SOX6: variants seen among roughly 807,000 people sequenced by gnomAD.
SOX6 encodes the protein SRY-box transcription factor 6.
SOX6 carries 11 observed loss-of-function variants against 97.8 expected under a neutral mutation model. The observed-to-expected ratio is 0.11, with a 90% CI of 0.07 to 0.19. SOX6 has a LOEUF of 0.19. Ranked by LOEUF, SOX6 falls within the 10% of genes least tolerant of loss-of-function variation. The pLI is 1.00. For missense variants in SOX6, 810 were observed against 1,039.5 expected (o/e 0.78, Z 3.04); for synonymous variants, 360 against 371.4 (o/e 0.97, Z 0.35).
chr11:16,188,075 C>A (rs1228141568), intron 4 of SOX6, among the ~76,000 whole-genome samples: 1 of 151,912 alleles, frequency 6.6e-6, no homozygotes, highest in Non-Finnish European at 1.5e-5. Context: ...TTATGAGTGG[C>A]CTTATTTTTA....
intron 1 of SOX6, among the ~76,000 whole-genome samples, chr11:16,344,696 T>C (rs887507251): frequency 2.0e-5 from 3 of 152,036 alleles, no homozygotes; most frequent in Non-Finnish European, 4.4e-5. Context: ...TGCTGCCTTA[T>C]ATGACTAATA....
chr11:16,552,814 T>C (rs755819565), intron 4 of SOX6, among the ~76,000 whole-genome samples: 2 of 152,210 alleles, frequency 1.3e-5, no homozygotes, highest in Non-Finnish European at 2.9e-5. Context: ...TAAACAATTA[T>C]AGCCTTCCTC....
chr11:16,222,128 T>G (rs1158876295), intron 4 of SOX6, among the ~76,000 whole-genome samples: 1 of 152,172 alleles, frequency 6.6e-6, no homozygotes, highest in African/African-American at 2.4e-5. Flanking sequence ...CAGAAACAGA[T>G]ACGAGTCCAA....
At position 16,319,794 on chromosome 11, in the gene SOX6, A is replaced by G. The variant is rs997066098; in HGVS notation, c.238-1141T>C. Among the ~76,000 whole-genome samples the G allele has an allele frequency of 3.3e-5, 5 of 152,088 alleles. No homozygotes were observed. In the East Asian group the frequency reaches 5.8e-4, roughly 18 times the overall value. On this transcript the variant is annotated intron_variant, in intron 2 of 15. Transcript: ENST00000683767. ...TCTTTGCTATTGTGAATAGTGCCGC[A>G]ATAAACATACGTGTTAATGTGTCTT...
At chr11:16,449,812 A>G (rs7951760) in intron 1 of SOX6, among the ~76,000 whole-genome samples, 31,166 of 152,132 alleles carry the variant, frequency 0.2, 3,446 homozygotes, top group Admixed American at 0.33. Context: ...GCTAGAATGC[A>G]CTGTGAACTG....
At chr11:16,024,314 C>T (rs1195602220) in intron 12 of SOX6, among the ~76,000 whole-genome samples, 3 of 152,038 alleles carry the variant, frequency 2.0e-5, no homozygotes, top group African/African-American at 2.4e-5. Context: ...TAGTTTATTA[C>T]GGCAACCCTG....
chr11:16,551,814 A>G (rs1447921764), intron 4 of SOX6, among the ~76,000 whole-genome samples: 1 of 152,066 alleles, frequency 6.6e-6, no homozygotes, highest in Non-Finnish European at 1.5e-5. Context: ...CATGTTGGCA[A>G]GGCTGGTCTT....
At chr11:16,172,928 C>G (rs1048577770) in intron 6 of SOX6, among the ~76,000 whole-genome samples, 5 of 151,906 alleles carry the variant, frequency 3.3e-5, no homozygotes, top group African/African-American at 1.2e-4. Context: ...GGGCTGCAGA[C>G]TTTACATAAG....
At chr11:16,539,805 G>A (rs1348934727) in intron 4 of SOX6, among the ~76,000 whole-genome samples, 1 of 152,092 alleles carries the variant, frequency 6.6e-6, no homozygotes, top group Non-Finnish European at 1.5e-5. Flanking sequence ...CCAATAACAG[G>A]TTCTGAAATT....
intron 3 of SOX6, among the ~76,000 whole-genome samples, chr11:16,260,395 A>AT (rs1853850393): frequency 6.6e-6 from 1 of 152,248 alleles, no homozygotes; most frequent in Middle Eastern, 3.4e-3. Flanking sequence ...AATAAATACC[A>AT]TTTTTTTAAA....
chr11:15,993,580 A>C (rs1854123748), intron 13 of SOX6, among the ~76,000 whole-genome samples: 1 of 152,172 alleles, frequency 6.6e-6, no homozygotes, highest in Non-Finnish European at 1.5e-5. Flanking sequence ...GATCAACAGC[A>C]CCACAGTAGG....
intron 12 of SOX6, among the ~76,000 whole-genome samples, chr11:16,033,534 G>A (rs1855440003): frequency 6.6e-6 from 1 of 152,106 alleles, no homozygotes; most frequent in South Asian, 2.1e-4. Context: ...GAATAAGAAA[G>A]GCTAAACTTG....
intron 3 of SOX6, among the ~76,000 whole-genome samples, chr11:16,308,031 AG>A (rs1370511827): frequency 2.0e-5 from 3 of 152,186 alleles, no homozygotes; most frequent in Non-Finnish European, 2.9e-5. Context: ...CAACTAAGAA[AG>A]CTACGATAGG....
intron 1 of SOX6, chr11:16,402,751 G>A: frequency 6.2e-7 from 1 of 1,608,366 alleles, no homozygotes; most frequent in East Asian, 2.2e-5. Flanking sequence ...GGGCTGGCTA[G>A]AAATATTAGG....
At chr11:16,372,107 T>C (rs879429719) in intron 1 of SOX6, among the ~76,000 whole-genome samples, 13 of 152,140 alleles carry the variant, frequency 8.5e-5, no homozygotes, top group Non-Finnish European at 1.9e-4. Context: ...TATGCTTCTT[T>C]TGTATCTGGC....
rs556180574 is a variant in SOX6, at chr11:15,968,108, G to T, written c.*4701C>A. 3.3e-5 allele frequency: 5 copies of T among 152,192 alleles called. No individual in the cohort carries two copies. Among genetic ancestry groups the T allele is most frequent in the Admixed American group, 6.5e-5 (1 of 15,276 alleles). The allele number at this position is 152,192 out of a possible 1,614,324, so 9.4% of individuals were successfully genotyped here. A position where few individuals can be genotyped will look rare whatever the true frequency, so the allele number is the denominator to read the frequency against. On this transcript the variant is annotated 3_prime_UTR_variant, in exon 16 of 16. Transcript: ENST00000683767. ...ACATCATTGGCAGGAATAACAGACA[G>T]AAGTTGTTTATTAGGGAAGAAAACA...
At chr11:16,576,940 T>G (rs1847990149) in intron 4 of SOX6, 1 of 152,168 alleles carries the variant, frequency 6.6e-6, no homozygotes, top group Non-Finnish European at 1.5e-5. Context: ...TGGACTGTAG[T>G]GTGATATGCC....
At chr11:16,641,852 C>G (rs1288869869) in intron 3 of SOX6, among the ~76,000 whole-genome samples, 2 of 151,990 alleles carry the variant, frequency 1.3e-5, no homozygotes, top group Non-Finnish European at 2.9e-5. Context: ...GGTCTTGACT[C>G]TTTATCCAAT....
At chr11:16,688,987 T>C (rs567729247) in intron 3 of SOX6, among the ~76,000 whole-genome samples, 2 of 152,356 alleles carry the variant, frequency 1.3e-5, no homozygotes, top group African/African-American at 4.8e-5. Flanking sequence ...GTATATAGTC[T>C]AATTTTGCCT....
Sources: allele counts gnomAD v4.1 joint callset (sites outside exome capture counted in the v4.1 genomes callset), GRCh38; gene constraint gnomAD v4.1.1; transcripts MANE v1.5; gene names NCBI Gene and HGNC (gene_info 2026-07-23, HGNC 2026-07-21).